The following TSPAN5 variants were observed in gnomAD, a reference collection of about 807,000 sequenced individuals.
TSPAN5 encodes tetraspanin 5.
A neutral mutation model predicts 37.1 loss-of-function variants in TSPAN5; 10 were observed. The observed-to-expected ratio is 0.27, with a 90% CI of 0.17 to 0.46. The LOEUF (loss-of-function observed/expected upper bound fraction) is 0.46, where lower values mean the gene tolerates loss of function less well. Ranked by LOEUF, TSPAN5 falls within the 20% of genes least tolerant of loss-of-function variation. The probability of loss-of-function intolerance (pLI) is 1.00; values close to 1 mark genes in which losing one functional copy is unlikely to be tolerated. For synonymous variants in TSPAN5, 110 were observed against 118.9 expected (o/e 0.93, Z 0.48); for missense variants, 195 against 326.6 (o/e 0.60, Z 3.11).
intron 1 of TSPAN5, among the ~76,000 whole-genome samples, chr4:98,561,314 C>G (rs1259911633): frequency 6.6e-6 from 1 of 152,220 alleles, no homozygotes; most frequent in Non-Finnish European, 1.5e-5. Context: ...CTTTGGGAGG[C>G]CAAGGTGGGC....
At chr4:98,538,821 T>C (rs1754295360) in intron 1 of TSPAN5, among the ~76,000 whole-genome samples, 3 of 152,230 alleles carry the variant, frequency 2.0e-5, no homozygotes, top group Non-Finnish European at 4.4e-5. Flanking sequence ...TAAATTTCCT[T>C]TGACTGTAGG....
At chr4:98,515,069 T>A (rs1753698891) in intron 1 of TSPAN5, among the ~76,000 whole-genome samples, 1 of 151,276 alleles carries the variant, frequency 6.6e-6, no homozygotes, top group Admixed American at 6.6e-5. Context: ...GGTGAAGGAG[T>A]GAATGGCAGG....
intron 2 of TSPAN5, among the ~76,000 whole-genome samples, chr4:98,496,872 A>C (rs1372428865): frequency 1.3e-5 from 2 of 152,158 alleles, no homozygotes; most frequent in Non-Finnish European, 2.9e-5. Context: ...GATTTAATAG[A>C]GGTTCTGGTA....
intron 1 of TSPAN5, among the ~76,000 whole-genome samples, chr4:98,640,645 T>C (rs911689093): frequency 4.6e-5 from 7 of 152,060 alleles, no homozygotes; most frequent in Non-Finnish European, 8.8e-5. Context: ...AACCCTCAGA[T>C]CCAGTTGCCA....
At position 98,633,935 on chromosome 4, in the gene TSPAN5, C is replaced by T. The variant is rs570449915; in HGVS notation, c.81+24211G>A. ...TCTCTACTAAAAATACAAAATTAGCCAGGCGTGGTGGCACACGCCTGTAAT... is the reference window on the plus strand; with the variant it reads ...TCTCTACTAAAAATACAAAATTAGCTAGGCGTGGTGGCACACGCCTGTAAT... On this transcript the variant is annotated intron_variant, in intron 1 of 7. Transcript: ENST00000305798. Among the ~76,000 whole-genome samples, 9 of 152,058 alleles carry T rather than the reference C, an allele frequency of 5.9e-5. No homozygotes were observed. The South Asian group carries it at 1.9e-3, about 32-fold the overall frequency.
intron 1 of TSPAN5, among the ~76,000 whole-genome samples, chr4:98,651,286 G>A (rs1757180132): frequency 2.0e-5 from 3 of 152,126 alleles, no homozygotes; most frequent in South Asian, 4.1e-4. Flanking sequence ...CAAAATAACT[G>A]GCTTATAATT....
chr4:98,538,149 G>C (rs1754278274), intron 1 of TSPAN5, among the ~76,000 whole-genome samples: 1 of 152,228 alleles, frequency 6.6e-6, no homozygotes, highest in African/African-American at 2.4e-5. Context: ...ATAGCATCTG[G>C]ACTAAAAGGA....
At position 98,616,189 on chromosome 4, in the gene TSPAN5, T is replaced by A. The variant is rs553757694; in HGVS notation, c.81+41957A>T. Reference sequence around the variant, plus strand: ...TCCCTTGCATTCCCCAGAATCCACATCACTCCTCAGAACCATACCTCTGCT... The same window carrying A: ...TCCCTTGCATTCCCCAGAATCCACAACACTCCTCAGAACCATACCTCTGCT... On this transcript the variant is annotated intron_variant, in intron 1 of 7. Transcript: ENST00000305798. 3.6e-4 allele frequency among the ~76,000 whole-genome samples: 54 copies of A among 152,030 alleles called. 1 individual carries two copies. The South Asian group carries it at 0.011, about 31-fold the overall frequency.
chr4:98,654,426 G>A (rs988273647), intron 1 of TSPAN5, among the ~76,000 whole-genome samples: 2 of 152,134 alleles, frequency 1.3e-5, no homozygotes, highest in Non-Finnish European at 2.9e-5. Context: ...TGTGGTGTTC[G>A]GTACCCCAAA....
At chr4:98,579,662 T>C (rs1233796595) in intron 1 of TSPAN5, among the ~76,000 whole-genome samples, 3 of 152,226 alleles carry the variant, frequency 2.0e-5, no homozygotes, top group Middle Eastern at 3.2e-3. Context: ...GCATTAAGGC[T>C]TTCACACACA....
At chr4:98,648,226 T>C (rs894524453) in intron 1 of TSPAN5, among the ~76,000 whole-genome samples, 3 of 152,180 alleles carry the variant, frequency 2.0e-5, no homozygotes, top group Non-Finnish European at 4.4e-5. Flanking sequence ...GAACCTGTCA[T>C]GCAGACCTTG....
chr4:98,643,083 C>G (rs1756992062), intron 1 of TSPAN5, among the ~76,000 whole-genome samples: 1 of 152,144 alleles, frequency 6.6e-6, no homozygotes, highest in Admixed American at 6.5e-5. Context: ...ACTGACTCAC[C>G]CAGAGCAACT....
At chr4:98,648,314 G>A (rs1160865064) in intron 1 of TSPAN5, among the ~76,000 whole-genome samples, 1 of 152,218 alleles carries the variant, frequency 6.6e-6, no homozygotes, top group African/African-American at 2.4e-5. Flanking sequence ...AGAAAAGGGA[G>A]GCTGAAAGGA....
chr4:98,639,376 G>A (rs1756919081), intron 1 of TSPAN5, among the ~76,000 whole-genome samples: 1 of 152,142 alleles, frequency 6.6e-6, no homozygotes, highest in African/African-American at 2.4e-5. Context: ...AGAGTGCAGT[G>A]GCAAAATCAT....
At chr4:98,645,330 C>A (rs1447200151) in intron 1 of TSPAN5, among the ~76,000 whole-genome samples, 1 of 152,160 alleles carries the variant, frequency 6.6e-6, no homozygotes, top group Non-Finnish European at 1.5e-5. Context: ...ATACTTTTTA[C>A]ATTCCTTTTT....
chr4:98,614,111 A>G (rs1203651219), intron 1 of TSPAN5, among the ~76,000 whole-genome samples: 3 of 152,220 alleles, frequency 2.0e-5, no homozygotes, highest in Non-Finnish European at 4.4e-5. Flanking sequence ...GTGGCTTGGT[A>G]TCTCAAAGCA....
At chr4:98,487,115 C>T (rs1220666124) in intron 2 of TSPAN5, among the ~76,000 whole-genome samples, 1 of 100,702 alleles carries the variant, frequency 9.9e-6, no homozygotes, top group Non-Finnish European at 1.8e-5. Context: ...AAGAGAGAAA[C>T]AAAAGGGAGG....
At chr4:98,601,185 C>T (rs1235613700) in intron 1 of TSPAN5, among the ~76,000 whole-genome samples, 1 of 152,112 alleles carries the variant, frequency 6.6e-6, no homozygotes, top group Non-Finnish European at 1.5e-5. Flanking sequence ...TCTTAAAGGC[C>T]CTAGGATTTT....
chr4:98,535,651 T>G (rs1172581345), intron 1 of TSPAN5, among the ~76,000 whole-genome samples: 1 of 152,196 alleles, frequency 6.6e-6, no homozygotes, highest in African/African-American at 2.4e-5. Context: ...CCATTCTCCT[T>G]GTCACTTTCA....
Sources: allele counts gnomAD v4.1 joint callset (sites outside exome capture counted in the v4.1 genomes callset), GRCh38; gene constraint gnomAD v4.1.1; transcripts MANE v1.5; gene names NCBI Gene and HGNC (gene_info 2026-07-23, HGNC 2026-07-21).